MEIOB: variants seen among roughly 807,000 people sequenced by gnomAD.
MEIOB encodes the protein meiosis specific with OB-fold, also known as meiosis-specific with OB domain-containing protein.
A neutral mutation model predicts 53.1 loss-of-function variants in MEIOB; 50 were observed. The observed-to-expected ratio is 0.94, with a 90% CI of 0.75 to 1.19. The LOEUF is 1.19. Among genes scored for constraint, MEIOB ranks in the 50% most tolerant of loss-of-function variants. MEIOB has a pLI of 0.00. For missense variants in MEIOB, 551 were observed against 550.8 expected (o/e 1.00, Z 0.00); for synonymous variants, 192 against 182.5 (o/e 1.05, Z -0.42).
chr16:1,854,198 A>G lies in MEIOB; in HGVS notation c.531T>C (p.Val177=). Residue 177 remains valine, a splice_region_variant and synonymous_variant, in exon 7 of 14, where the codon GTT becomes GTC. Coordinates refer to ENST00000325962, the MANE Select transcript of MEIOB (RefSeq NM_001163560.3). The part of the protein sequence containing the change: ...IINVLAAVKS[V]GEPKYFTTSD... Reference sequence around the variant, plus strand: ...AAGTTGTAAAGTATTTTGGCTCTCCAACCTTAGAAATGGAAATAAATCATT... The same window carrying G: ...AAGTTGTAAAGTATTTTGGCTCTCCGACCTTAGAAATGGAAATAAATCATT... The G allele has an allele frequency of 2.0e-6, 3 of 1,530,946 alleles. No individual in the cohort carries two copies. Among genetic ancestry groups the G allele is most frequent in the Non-Finnish European group, 2.7e-6 (3 of 1,129,716 alleles). The allele number at this position is 1,530,946 out of a possible 1,614,324, so 94.8% of individuals were successfully genotyped here.
At chr16:1,854,338 T>C (rs1014179650) in intron 6 of MEIOB, 138 bp from the exon 7 acceptor site, 5 of 585,838 alleles carry the variant, frequency 8.5e-6, no homozygotes, top group African/African-American at 7.5e-5. Flanking sequence ...TAATATATAG[T>C]TGATTATTTT....
chr16:1,847,573 C>T (rs183654467), intron 9 of MEIOB, among the ~76,000 whole-genome samples: 32 of 150,502 alleles, frequency 2.1e-4, no homozygotes, highest in Middle Eastern at 6.8e-3. Context: ...GAGTTTGAGA[C>T]CCCCCAAAAA....
chr16:1,851,588 G>A (rs1228570686), intron 9 of MEIOB, among the ~76,000 whole-genome samples: 4 of 152,128 alleles, frequency 2.6e-5, no homozygotes, highest in Admixed American at 6.5e-5. Flanking sequence ...AGAGCAATTC[G>A]GGGCATGCAC....
chr16:1,840,472 C>T (rs926801188), intron 11 of MEIOB, among the ~76,000 whole-genome samples: 2 of 151,946 alleles, frequency 1.3e-5, no homozygotes, highest in Admixed American at 1.3e-4. Flanking sequence ...CTGGCTGTGA[C>T]ATGGTACTAT....
intron 6 of MEIOB, among the ~76,000 whole-genome samples, chr16:1,856,599 G>A (rs1037701525): frequency 1.3e-5 from 2 of 151,114 alleles, no homozygotes; most frequent in African/African-American, 4.9e-5. Context: ...GATTACAGGC[G>A]TGAGCCACCG....
intron 10 of MEIOB, 75 bp from the exon 11 acceptor site, chr16:1,842,048 T>A (rs1596966389): frequency 9.4e-7 from 1 of 1,064,822 alleles, no homozygotes; most frequent in African/African-American, 1.6e-5. Flanking sequence ...AATGGAAAGC[T>A]ATGACAAATG....
At chr16:1,849,831 T>A (rs1232301727) in intron 9 of MEIOB, among the ~76,000 whole-genome samples, 1 of 152,178 alleles carries the variant, frequency 6.6e-6, no homozygotes, top group Non-Finnish European at 1.5e-5. Flanking sequence ...TGAAAAGTAC[T>A]GAGAACAGAT....
chr16:1,865,534 TA>T (rs1899570397), intron 3 of MEIOB, among the ~76,000 whole-genome samples: 1 of 151,034 alleles, frequency 6.6e-6, no homozygotes, highest in Non-Finnish European at 1.5e-5. Context: ...CACGTGTGTG[TA>T]TACACATAAA....
intron 9 of MEIOB, among the ~76,000 whole-genome samples, chr16:1,845,509 G>C (rs1394791169): frequency 6.6e-6 from 1 of 151,592 alleles, no homozygotes; most frequent in Non-Finnish European, 1.5e-5. Flanking sequence ...AACAGAGCAA[G>C]ACTCTGTCTA....
At chr16:1,865,580 T>C (rs391546) in intron 3 of MEIOB, among the ~76,000 whole-genome samples, 198 bp downstream of exon 3, 5 of 151,068 alleles carry the variant, frequency 3.3e-5, no homozygotes, top group Non-Finnish European at 5.9e-5. Flanking sequence ...TATACATATA[T>C]ATAGAGAGAG....
At chr16:1,837,599 C>T in intron 13 of MEIOB, 185 bp downstream of exon 13, 2 of 449,212 alleles carry the variant, frequency 4.5e-6, no homozygotes, top group Non-Finnish European at 8.0e-6. Context: ...TTGGTAACTC[C>T]TTTATACAAT....
At chr16:1,861,651 T>C (rs1899446723) in intron 4 of MEIOB, among the ~76,000 whole-genome samples, 1 of 141,304 alleles carries the variant, frequency 7.1e-6, no homozygotes, top group South Asian at 2.4e-4. Context: ...CAAGCCACCC[T>C]CCTGCTTCAG....
intron 10 of MEIOB, among the ~76,000 whole-genome samples, chr16:1,843,703 A>C (rs11248897): frequency 0.014 from 2,196 of 152,156 alleles, 59 homozygotes; most frequent in African/African-American, 0.049. Flanking sequence ...ATCTCAAAAA[A>C]AAAAAAAAAG....
At chr16:1,849,458 A>G (rs1899104990) in intron 9 of MEIOB, among the ~76,000 whole-genome samples, 1 of 148,914 alleles carries the variant, frequency 6.7e-6, no homozygotes. Context: ...AGGCAGGAGA[A>G]TGCTGTGAAC....
chr16:1,865,462 A>T (rs1567281887), intron 3 of MEIOB, among the ~76,000 whole-genome samples: 1 of 145,130 alleles, frequency 6.9e-6, no homozygotes, highest in Non-Finnish European at 1.5e-5. Context: ...CATGTACTCA[A>T]ATATACATAT....
At chr16:1,835,663 G>A (rs1296630723) in intron 13 of MEIOB, among the ~76,000 whole-genome samples, 5 of 152,064 alleles carry the variant, frequency 3.3e-5, no homozygotes, top group African/African-American at 7.2e-5. Flanking sequence ...CCCATTGCAC[G>A]GACTGAGCTG....
chr16:1,849,248 A>G (rs1298154594), intron 9 of MEIOB, among the ~76,000 whole-genome samples: 2 of 151,522 alleles, frequency 1.3e-5, no homozygotes, highest in Admixed American at 6.6e-5. Context: ...GTGAAACCCC[A>G]TGTCTACTAA....
At chr16:1,834,452 A>AG (rs1898685769) in intron 13 of MEIOB, 86 bp from the exon 14 acceptor site, 1 of 704,818 alleles carries the variant, frequency 1.4e-6, no homozygotes, top group South Asian at 1.7e-5. Flanking sequence ...GATCACGAAT[A>AG]GAGAACTGCA....
At chr16:1,854,053 T>C (rs1899238012) in intron 7 of MEIOB, 47 bp downstream of exon 7, 3 of 1,069,796 alleles carry the variant, frequency 2.8e-6, no homozygotes, top group Non-Finnish European at 4.2e-6. Flanking sequence ...AATGTCCTGG[T>C]GATAACTACA....
Sources: gnomAD v4.1 joint callset for allele counts (sites outside exome capture counted in the v4.1 genomes callset) on GRCh38, gnomAD v4.1.1 for gene constraint, MANE v1.5 for transcripts, NCBI Gene and HGNC (gene_info 2026-07-23, HGNC 2026-07-21) for gene names.